MAN1C1: variants seen among roughly 807,000 people sequenced by gnomAD.
The protein encoded by MAN1C1 is mannosidase alpha class 1C member 1.
Under a neutral mutation model 71.5 loss-of-function variants are expected in MAN1C1, and 49 were observed. The observed-to-expected ratio is 0.69, with a 90% CI of 0.54 to 0.87. The LOEUF (loss-of-function observed/expected upper bound fraction) is 0.87, where lower values mean the gene tolerates loss of function less well. Ranked by LOEUF, MAN1C1 falls within the 40% of genes least tolerant of loss-of-function variation. MAN1C1 has a pLI of 0.00. For synonymous variants in MAN1C1, 352 were observed against 343.7 expected, an observed-to-expected ratio of 1.02 and a Z score of -0.27; for missense variants, 743 against 835.0, an observed-to-expected ratio of 0.89 and a Z score of 1.36.
chr1:25,662,789 C>T (rs534673542), intron 1 of MAN1C1, among the ~76,000 whole-genome samples: 4 of 151,992 alleles, frequency 2.6e-5, no homozygotes, highest in East Asian at 1.9e-4. Flanking sequence ...AGGCCGGGCA[C>T]GGTGGCTCAC....
At position 25,783,751 on chromosome 1, in the gene MAN1C1, C is replaced by A. The variant is rs1448487712; in HGVS notation, c.1855C>A (p.His619Asn). 1 of 1,612,994 alleles carries A rather than the reference C, an allele frequency of 6.2e-7. No homozygotes were observed. The change falls in exon 12 of 12, where the codon CAC (histidine) becomes AAC (asparagine). Residue 619 changes from histidine to asparagine, a missense_variant. His to Asn is a moderately conservative substitution (Grantham distance 68). Coordinates refer to ENST00000374332, the MANE Select transcript of MAN1C1 (RefSeq NM_020379.4). The stretch of plus-strand genomic sequence containing the variant: ...CGAGGCCCACCCACTCCCGGTGAAC[C>A]ACTCAGACAGCTCCGGCAGAGCCTG... ...NTEAHPLPVN[H>N]SDSSGRAWGR...
chr1:25,660,885 T>A (rs56158144), intron 1 of MAN1C1, among the ~76,000 whole-genome samples: 13,280 of 151,788 alleles, frequency 0.087, 1,293 homozygotes, highest in East Asian at 0.23. Flanking sequence ...GAGATGGGGT[T>A]TCACCATGTT....
At chr1:25,781,712 G>A (rs2047697829) in intron 10 of MAN1C1, among the ~76,000 whole-genome samples, 1 of 151,428 alleles carries the variant, frequency 6.6e-6, no homozygotes, top group Admixed American at 6.6e-5. Flanking sequence ...CCACCCCCGT[G>A]CCCATTCCGA....
chr1:25,636,112 G>A (rs560652177), intron 1 of MAN1C1, among the ~76,000 whole-genome samples: 1 of 152,266 alleles, frequency 6.6e-6, no homozygotes, highest in South Asian at 2.1e-4. Flanking sequence ...GCAAAAGGGA[G>A]AACAAAGATC....
intron 2 of MAN1C1, among the ~76,000 whole-genome samples, chr1:25,727,397 G>A (rs547989236): frequency 9.8e-5 from 15 of 152,286 alleles, no homozygotes; most frequent in African/African-American, 3.6e-4. Flanking sequence ...GGCGGTGAGC[G>A]ACTGTGTGAA....
At chr1:25,740,638 G>A (rs898575371) in intron 2 of MAN1C1, among the ~76,000 whole-genome samples, 1 of 152,166 alleles carries the variant, frequency 6.6e-6, no homozygotes, top group Admixed American at 6.5e-5. Context: ...GGGTTTCACT[G>A]TGTTAGCCAG....
intron 1 of MAN1C1, among the ~76,000 whole-genome samples, chr1:25,635,928 TAA>T (rs1248531229): frequency 6.6e-6 from 1 of 152,100 alleles, no homozygotes; most frequent in Non-Finnish European, 1.5e-5. Flanking sequence ...GGCTGAGAAA[TAA>T]AAGAGTACCA....
In MAN1C1 at chr1:25,618,032, G is replaced by A. The variant is rs1438841189; in HGVS notation, c.235G>A (p.Glu79Lys). 1 of 1,591,916 alleles carries A rather than the reference G, an allele frequency of 6.3e-7. No homozygotes were observed. The highest frequency in any genetic ancestry group is 8.5e-7 in the Non-Finnish European group (1 of 1,172,562). ...IAGHAPAREQ[E>K]PPPNPAPAAP... ...CGGCCATGCCCCGGCCCGCGAGCAG[G>A]AGCCGCCTCCCAACCCGGCCCCCGC... The change falls in exon 1 of 12, where the codon GAG (glutamate) becomes AAG (lysine). Residue 79 changes from glutamate to lysine, a missense_variant. By Grantham distance (56) the Glu-to-Lys change is moderately conservative. Transcript: ENST00000374332.
chr1:25,760,615 C>T (rs765014165), intron 6 of MAN1C1: 1 of 152,170 alleles, frequency 6.6e-6, no homozygotes, highest in African/African-American at 2.4e-5. Flanking sequence ...TTCCTGTCCC[C>T]GTAATGGACT....
At chr1:25,752,720 G>C (rs1031873326) in intron 4 of MAN1C1, among the ~76,000 whole-genome samples, 1 of 152,246 alleles carries the variant, frequency 6.6e-6, no homozygotes, top group African/African-American at 2.4e-5. Context: ...GAAGGGGTCT[G>C]AGCCTCAGGC....
At chr1:25,705,829 G>C (rs984193892) in intron 2 of MAN1C1, among the ~76,000 whole-genome samples, 1 of 152,198 alleles carries the variant, frequency 6.6e-6, no homozygotes, top group Admixed American at 6.5e-5. Context: ...AGTAGTCCTA[G>C]GTATTCAAGA....
At position 25,778,283 on chromosome 1, in the gene MAN1C1, C is replaced by G. The variant is rs145495387; in HGVS notation, c.1436C>G (p.Ala479Gly). Residue 479 changes from alanine to glycine, a missense_variant, in exon 9 of 12, where the codon GCC becomes GGC. By Grantham distance (60) the Ala-to-Gly change is moderately conservative. Transcript: ENST00000374332. This position sits in a 1 kb window ranked among gnomAD's most constrained non-coding sequence, Gnocchi z 5.5. ...EKRAHYRELAAQITKTCHESY... is the reference protein window; with the variant it reads ...EKRAHYRELAGQITKTCHESY... ...AGGGCCCACTACCGAGAGCTCGCAG[C>G]CCAGATCACCAAGACGTGTCACGAG... The G allele has an allele frequency of 6.2e-7, 1 of 1,613,832 alleles. No homozygotes were observed. Among genetic ancestry groups the G allele is most frequent in the Non-Finnish European group, 8.5e-7 (1 of 1,179,824 alleles).
In MAN1C1 at chr1:25,779,741, G is replaced by A. The variant is rs760599; in HGVS notation, c.1478-1199G>A. ...AGGAGCCGCTACACCATTTGAAAAGGTTAGAGAGGCTAGGGTCTAGCTAAT... is the reference window on the plus strand; with the variant it reads ...AGGAGCCGCTACACCATTTGAAAAGATTAGAGAGGCTAGGGTCTAGCTAAT... On this transcript the variant is annotated intron_variant, in intron 9 of 11. Transcript: ENST00000374332. The surrounding 1 kb of genome is among the most constrained non-coding windows in gnomAD (Gnocchi z 4.6). 0.63 allele frequency among the ~76,000 whole-genome samples: 96,037 copies of A among 152,102 alleles called. 30,575 individuals carry two copies. The highest frequency in any genetic ancestry group is 0.8 in the Middle Eastern group (234 of 294).
chr1:25,626,834 G>T (rs1228787765), intron 1 of MAN1C1, among the ~76,000 whole-genome samples: 2 of 151,928 alleles, frequency 1.3e-5, no homozygotes, highest in Non-Finnish European at 2.9e-5. Flanking sequence ...CCAGTCTATG[G>T]TTTGTCTTTT....
Position 25,769,926 on chromosome 1 carries a change from C to T in MAN1C1, c.1142-1731C>T, listed in dbSNP as rs1449244356. On this transcript the variant is annotated intron_variant, in intron 7 of 11. Coordinates refer to ENST00000374332, the MANE Select transcript of MAN1C1 (RefSeq NM_020379.4). The surrounding 1 kb of genome is among the most constrained non-coding windows in gnomAD (Gnocchi z 4.8). ...CCGTGGCCACCCTATGGGGAGGGAC[C>T]GGGAGCAGGCTTGTGAGAATGCCTG... 2.6e-5 allele frequency among the ~76,000 whole-genome samples: 4 copies of T among 152,134 alleles called. No individual in the cohort carries two copies. The highest frequency in any genetic ancestry group is 4.4e-5 in the Non-Finnish European group (3 of 68,008).
intron 4 of MAN1C1, 137 bp downstream of exon 4, chr1:25,749,472 A>C (rs1572193130): frequency 1.6e-6 from 1 of 614,068 alleles, no homozygotes; most frequent in Non-Finnish European, 2.7e-6. Flanking sequence ...ACCCAAGTCC[A>C]CCCCTGAGGG....
Position 25,779,619 on chromosome 1 carries a change from T to G in MAN1C1, c.1477+1295T>G, listed in dbSNP as rs533583311. ...GACAGCCGCTTAATAAAGCATATTG[T>G]TCTAGCCAGCCTCGGCTTGTCCTGT... On this transcript the variant is annotated intron_variant, in intron 9 of 11. Coordinates refer to ENST00000374332, the MANE Select transcript of MAN1C1 (RefSeq NM_020379.4). The surrounding 1 kb of genome is among the most constrained non-coding windows in gnomAD (Gnocchi z 4.6). 6.6e-5 allele frequency among the ~76,000 whole-genome samples: 10 copies of G among 152,356 alleles called. No homozygotes were observed. In the East Asian group the frequency reaches 1.9e-3, roughly 29 times the overall value.
chr1:25,753,617 G>A lies in MAN1C1; in HGVS notation c.929+39G>A, dbSNP rs770833999. 3.2e-6 allele frequency: 5 copies of A among 1,568,786 alleles called. No individual in the cohort carries two copies. The highest frequency in any genetic ancestry group is 3.5e-6 in the Non-Finnish European group (4 of 1,143,122). On this transcript the variant is annotated intron_variant, in intron 5 of 11. Coordinates refer to ENST00000374332, the MANE Select transcript of MAN1C1 (RefSeq NM_020379.4). This position sits in a 1 kb window ranked among gnomAD's most constrained non-coding sequence, Gnocchi z 4.9. ...GCGTTCCCCACTGGGGCTTTACTGC[G>A]ACCATGCCCACCATTTGTGTTTTGT...
At chr1:25,684,215 A>G (rs1346316352) in intron 1 of MAN1C1, among the ~76,000 whole-genome samples, 2 of 150,274 alleles carry the variant, frequency 1.3e-5, no homozygotes, top group African/African-American at 4.9e-5. Flanking sequence ...CTCTCCCCCG[A>G]TACTGACTTA....
Sources: gnomAD v4.1 joint callset for allele counts (sites outside exome capture counted in the v4.1 genomes callset) on GRCh38, gnomAD v4.1.1 for gene constraint, Gnocchi (gnomAD v3.1) non-coding constraint, MANE v1.5 for transcripts, NCBI Gene and HGNC (gene_info 2026-07-23, HGNC 2026-07-21) for gene names.